Variants in CACNA1C observed in about 807,000 individuals in gnomAD.
CACNA1C encodes the protein voltage-dependent L-type calcium channel subunit alpha-1C.
In CACNA1C, 30 loss-of-function variants were observed where a neutral mutation model predicts 229.0. That is an observed-to-expected ratio of 0.13 (90% CI 0.10 to 0.18). CACNA1C has a LOEUF of 0.18. CACNA1C is among the 10% of genes least tolerant of loss of function. The pLI, the probability that CACNA1C is intolerant of heterozygous loss-of-function variation, is 1.00. For synonymous variants in CACNA1C, 1,114 were observed against 1,132.5 expected, an observed-to-expected ratio of 0.98 and a Z score of 0.33; for missense variants, 1,658 against 2,845.0, an observed-to-expected ratio of 0.58 and a Z score of 9.49.
At chr12:2,327,356 C>T (rs3819526) in intron 3 of CACNA1C, among the ~76,000 whole-genome samples, 90,296 of 152,064 alleles carry the variant, frequency 0.59, 27,104 homozygotes, top group Admixed American at 0.65. Context: ...CATCTACAGT[C>T]AAACAACAAA....
At chr12:2,401,244 C>A (rs2154551061) in intron 3 of CACNA1C, among the ~76,000 whole-genome samples, 1 of 152,356 alleles carries the variant, frequency 6.6e-6, no homozygotes, top group East Asian at 1.9e-4. Context: ...GTCCCCTGCC[C>A]CCTGCCCAGG....
intron 1 of CACNA1C, chr12:2,004,177 G>T: frequency 6.7e-7 from 1 of 1,501,482 alleles, no homozygotes; most frequent in Non-Finnish European, 9.0e-7. Flanking sequence ...CACTTCCAGG[G>T]CGTCAACGTC....
intron 3 of CACNA1C, among the ~76,000 whole-genome samples, chr12:2,205,852 G>T (rs971571246): frequency 2.0e-5 from 3 of 152,160 alleles, no homozygotes; most frequent in Non-Finnish European, 2.9e-5. Flanking sequence ...TTCCTGGCTC[G>T]TGGACATTTG....
intron 3 of CACNA1C, among the ~76,000 whole-genome samples, chr12:2,400,438 G>A (rs367636517): frequency 3.9e-5 from 6 of 152,134 alleles, no homozygotes; most frequent in Non-Finnish European, 7.4e-5. Flanking sequence ...CAAAGCATGC[G>A]ATCAGAGTCA....
intron 3 of CACNA1C, among the ~76,000 whole-genome samples, chr12:2,139,075 G>A (rs2093868258): frequency 6.6e-6 from 1 of 150,994 alleles, no homozygotes; most frequent in Non-Finnish European, 1.5e-5. Flanking sequence ...TAAAACAATA[G>A]AAATTTATTG....
intron 1 of CACNA1C, among the ~76,000 whole-genome samples, chr12:2,002,171 A>C (rs1227204758): frequency 1.3e-5 from 2 of 152,106 alleles, no homozygotes; most frequent in Non-Finnish European, 2.9e-5. Context: ...TTCTTCATCC[A>C]TTTTCAGGGC....
chr12:2,159,014 A>T (rs1371028460), intron 3 of CACNA1C, among the ~76,000 whole-genome samples: 1 of 152,236 alleles, frequency 6.6e-6, no homozygotes, highest in Non-Finnish European at 1.5e-5. Context: ...TGATGAGGAA[A>T]AAACCTTAAA....
At chr12:2,588,798 A>T (rs1466910032) in intron 18 of CACNA1C, among the ~76,000 whole-genome samples, 2 of 152,198 alleles carry the variant, frequency 1.3e-5, no homozygotes, top group East Asian at 3.9e-4. Context: ...TGTTTAATTT[A>T]TTAATTTATT....
chr12:1,975,402 T>C (rs2034013365), intron 1 of CACNA1C, among the ~76,000 whole-genome samples: 1 of 152,164 alleles, frequency 6.6e-6, no homozygotes, highest in Non-Finnish European at 1.5e-5. Flanking sequence ...AACTATTTAC[T>C]AAATGATTTT....
chr12:2,349,924 T>G (rs1169463219), intron 3 of CACNA1C, among the ~76,000 whole-genome samples: 2 of 152,196 alleles, frequency 1.3e-5, no homozygotes, highest in African/African-American at 4.8e-5. Flanking sequence ...AGAGTCGTTT[T>G]CCATGGATCA....
In CACNA1C at chr12:2,410,298, G is replaced by A. The variant is rs11611146; in HGVS notation, c.478-38678G>A. 0.3 allele frequency among the ~76,000 whole-genome samples: 45,849 copies of A among 152,020 alleles called. 7,316 individuals are homozygous for A. Among genetic ancestry groups the A allele is most frequent in the Non-Finnish European group, 0.37 (24,958 of 67,970 alleles). ...TTAGCAGCCCCACCACCCATTTTTG[G>A]AAACACAACCCTGGCCTCCCATTCA... On this transcript the variant is annotated intron_variant, in intron 3 of 46. Coordinates refer to ENST00000399655, the MANE Select transcript of CACNA1C (RefSeq NM_000719.7). This position sits in a 1 kb window ranked among gnomAD's most constrained non-coding sequence, Gnocchi z 5.3.
chr12:2,352,297 T>C (rs2097223532), intron 3 of CACNA1C, among the ~76,000 whole-genome samples: 1 of 152,226 alleles, frequency 6.6e-6, no homozygotes, highest in South Asian at 2.1e-4. Flanking sequence ...TCAGAAGGTC[T>C]GTATGGTGAG....
At chr12:2,216,181 T>C (rs1381658682) in intron 3 of CACNA1C, among the ~76,000 whole-genome samples, 2 of 152,072 alleles carry the variant, frequency 1.3e-5, no homozygotes, top group African/African-American at 2.4e-5. Context: ...GGATGAAATG[T>C]GAGGATGGGG....
chr12:2,061,130 CT>C (rs34246535), intron 1 of CACNA1C, among the ~76,000 whole-genome samples: 20,394 of 146,644 alleles, frequency 0.14, 1,341 homozygotes, highest in South Asian at 0.16. Flanking sequence ...AATCAAATCC[CT>C]TTTTTTTTTT....
intron 11 of CACNA1C, among the ~76,000 whole-genome samples, chr12:2,559,595 T>C (rs143641366): frequency 1.0e-4 from 16 of 152,384 alleles, no homozygotes; most frequent in African/African-American, 2.6e-4. Context: ...TCCTAAAGGC[T>C]TACAGCTAGT....
At chr12:2,116,351 G>A (rs1314517594) in intron 2 of CACNA1C, among the ~76,000 whole-genome samples, 1 of 151,762 alleles carries the variant, frequency 6.6e-6, no homozygotes, top group Non-Finnish European at 1.5e-5. Flanking sequence ...GAATCCTGGG[G>A]CTGTAGAAAT....
intron 3 of CACNA1C, among the ~76,000 whole-genome samples, chr12:2,150,484 T>C (rs908244949): frequency 3.0e-4 from 45 of 152,098 alleles, no homozygotes; most frequent in African/African-American, 1.0e-3. Flanking sequence ...AGAGCCGTGT[T>C]CACATCATGA....
chr12:2,641,776 G>A (rs1044570979), intron 30 of CACNA1C: 6 of 702,312 alleles, frequency 8.5e-6, no homozygotes, highest in Non-Finnish European at 1.3e-5. Context: ...CTTTAGCAAC[G>A]TGACCCCTGA....
rs955698128 is a variant in CACNA1C at position 2,346,138 on chromosome 12, C to A, written c.478-102838C>A. On this transcript the variant is annotated intron_variant, in intron 3 of 46. Transcript: ENST00000399655. The surrounding 1 kb of genome is among the most constrained non-coding windows in gnomAD (Gnocchi z 4.4). Reference sequence around the variant, plus strand: ...GGAGCCTTCCCAAGACCTGGATCCGCTGCAAGGTGATAGCCGTGGCTTGGT... The same window carrying A: ...GGAGCCTTCCCAAGACCTGGATCCGATGCAAGGTGATAGCCGTGGCTTGGT... 6.6e-6 allele frequency among the ~76,000 whole-genome samples: 1 copy of A among 152,150 alleles called. No homozygotes were observed. The highest frequency in any genetic ancestry group is 2.4e-5 in the African/African-American group (1 of 41,434).
Sources: gnomAD v4.1 joint callset for allele counts (sites outside exome capture counted in the v4.1 genomes callset) on GRCh38, gnomAD v4.1.1 for gene constraint, Gnocchi (gnomAD v3.1) non-coding constraint, MANE v1.5 for transcripts, NCBI Gene and HGNC (gene_info 2026-07-23, HGNC 2026-07-21) for gene names.